The following PSRC1 variants were observed in gnomAD, a reference collection of about 807,000 sequenced individuals.
The protein encoded by PSRC1 is proline and serine rich coiled-coil 1.
Under a neutral mutation model 31.9 loss-of-function variants are expected in PSRC1, and 30 were observed. That is an observed-to-expected ratio of 0.94 (90% CI 0.70 to 1.28). The LOEUF (loss-of-function observed/expected upper bound fraction) is 1.28. PSRC1 is among the 50% of genes most tolerant of loss of function. The pLI is 0.00. For missense variants in PSRC1, 481 were observed against 472.8 expected (o/e 1.02, Z -0.16); for synonymous variants, 191 against 192.1 (o/e 0.99, Z 0.05).
rs766277944 is a variant in PSRC1 at position 109,281,042 on chromosome 1, TG to T, written c.728del (p.Pro243HisfsTer96). ...CCAGGACGGATCTGATGGGGGTGGG[TG>T]GGCCTGGTGGAGAGGGGTGGAGAAA... On this transcript the variant is annotated frameshift_variant, in exon 5 of 7. Transcript: ENST00000409138. LOFTEE classifies it high-confidence loss of function. 1 of 1,570,810 alleles carries T rather than the reference TG, an allele frequency of 6.4e-7. No homozygotes were observed. Among genetic ancestry groups the T allele is most frequent in the Non-Finnish European group, 8.7e-7 (1 of 1,150,576 alleles).
chr1:109,281,917 A>G (rs1471971566), exon 4 of PSRC1: 1 of 1,608,190 alleles, frequency 6.2e-7, no homozygotes, highest in East Asian at 2.2e-5. Flanking sequence ...GATCTCCTCC[A>G]GCTTCTCTGG....
At chr1:109,280,200 C>T in intron 6 of PSRC1, 44 bp from the exon 8 acceptor site, 1 of 1,607,994 alleles carries the variant, frequency 6.2e-7, no homozygotes, top group Non-Finnish European at 8.5e-7. Context: ...GCCCTTCTTC[C>T]TCAAGCCCAT....
chr1:109,282,340 C>T, intron 3 of PSRC1, 178 bp downstream of exon 3: 4 of 630,672 alleles, frequency 6.3e-6, no homozygotes, highest in South Asian at 2.0e-5. Context: ...ACTCCAGCTT[C>T]TCCCTTCTCT....
chr1:109,280,945 G>C (rs1656975604), exon 5 of PSRC1: 1 of 1,613,814 alleles, frequency 6.2e-7, no homozygotes, highest in Non-Finnish European at 8.5e-7. Flanking sequence ...ATGGGCAGTT[G>C]ACTGGAAGAT....
rs936561167 is a variant in PSRC1, at chr1:109,282,173, C to T, written c.78-113G>A. 1.9e-5 allele frequency: 19 copies of T among 981,044 alleles called. No homozygotes were observed. In the Admixed American group the frequency reaches 2.4e-4, roughly 12 times the overall value. The allele number at this position is 981,044 out of a possible 1,614,324, so 60.8% of individuals were successfully genotyped here. On this transcript the variant is annotated intron_variant, in intron 3 of 6. Transcript: ENST00000409138. Reference sequence around the variant, plus strand: ...GAGCCAGGGACATGACCCTAGGCCCCGATGCCCATGCTGGCTGTGAGATGT... The same window carrying T: ...GAGCCAGGGACATGACCCTAGGCCCTGATGCCCATGCTGGCTGTGAGATGT...
chr1:109,280,750 C>T (rs368372959), intron 5 of PSRC1, 27 bp downstream of exon 6: 126 of 1,520,468 alleles, frequency 8.3e-5, no homozygotes, highest in Middle Eastern at 2.0e-4. Flanking sequence ...TGGGCAAGGG[C>T]GGGCATTCTT....
intron 4 of PSRC1, 26 bp downstream of exon 4, chr1:109,281,593 C>T: frequency 1.9e-6 from 3 of 1,583,922 alleles, no homozygotes; most frequent in Non-Finnish European, 2.6e-6. Flanking sequence ...CTGGGGCACA[C>T]CTCCAACTCA....
In PSRC1 at chr1:109,282,563, A is replaced by AGGTC; in HGVS notation, c.31_32insGACC (p.Ile11ArgfsTer5). The AGGTC allele has an allele frequency of 6.2e-7, 1 of 1,614,140 alleles. No homozygotes were observed. The highest frequency in any genetic ancestry group is 8.5e-7 in the Non-Finnish European group (1 of 1,180,000). ...CCCAAAGTCCAAGGTCTCATCCACA[A>AGGTC]TAAACCTTACATCTGAAGGGGAAAG... On this transcript the variant is annotated frameshift_variant, in exon 3 of 7. Coordinates refer to ENST00000409138, the Ensembl canonical transcript of PSRC1. LOFTEE classifies it high-confidence loss of function.
At chr1:109,281,099 C>A in exon 5 of PSRC1, 1 of 1,613,348 alleles carries the variant, frequency 6.2e-7, no homozygotes, top group Non-Finnish European at 8.5e-7. Flanking sequence ...ACTCCCCACT[C>A]CCACTCACCC....
chr1:109,280,673 C>T, intron 5 of PSRC1, 104 bp downstream of exon 6: 2 of 1,055,848 alleles, frequency 1.9e-6, no homozygotes, highest in Non-Finnish European at 2.7e-6. Context: ...CCCCATCTTC[C>T]AATTGAATTG....
At chr1:109,282,536 C>A (rs745620409) in exon 3 of PSRC1, 11 of 1,613,876 alleles carry the variant, frequency 6.8e-6, no homozygotes, top group Non-Finnish European at 8.5e-6. Context: ...TGGTGACAGC[C>A]CCCCAAAGTC....
rs533781911 is a variant in PSRC1 at position 109,282,948 on chromosome 1, C to T, written c.-34+126G>A. 3.2e-4 allele frequency: 192 copies of T among 596,338 alleles called. 2 individuals carry two copies. The African/African-American group carries it at 3.2e-3, about 10-fold the overall frequency. 36.9% of individuals were successfully genotyped at this position (596,338 alleles called of 1,614,324 possible). ...GCCCTGGAGCCGCCCTGCATCCTGG[C>T]CTCTCCTCACTGGGGGCGGCCTGCA... On this transcript the variant is annotated intron_variant, in intron 1 of 6. Coordinates refer to ENST00000409138, the Ensembl canonical transcript of PSRC1.
At chr1:109,280,178 C>G (rs1460368619) in intron 6 of PSRC1, 22 bp from the exon 8 acceptor site, 1 of 1,613,336 alleles carries the variant, frequency 6.2e-7, no homozygotes, top group South Asian at 1.1e-5. Context: ...GAAGGAATAA[C>G]TGCTTTAAAA....
intron 4 of PSRC1, 170 bp from the exon 5 acceptor site, chr1:109,281,421 A>G: frequency 1.3e-6 from 1 of 745,918 alleles, no homozygotes; most frequent in Non-Finnish European, 2.2e-6. Context: ...TGCCAATACC[A>G]TTTATTGAGT....
chr1:109,280,048 C>G (rs1355960262), exon 7 of PSRC1: 2 of 1,493,460 alleles, frequency 1.3e-6, no homozygotes, highest in African/African-American at 2.8e-5. Context: ...TTCCTCCTGT[C>G]CCTGGGCCAG....
chr1:109,282,808 C>A, intron 1 of PSRC1, 72 bp from the exon 2 acceptor site: 1 of 1,477,192 alleles, frequency 6.8e-7, no homozygotes, highest in Non-Finnish European at 9.2e-7. Context: ...AGGGTGCAAG[C>A]CAGGGTCGGG....
chr1:109,280,131 C>T (rs1656800803), exon 7 of PSRC1: 2 of 1,613,994 alleles, frequency 1.2e-6, no homozygotes, highest in African/African-American at 1.3e-5. Flanking sequence ...CTACTGAAGT[C>T]TTGCTTGCTG....
At chr1:109,280,196 CT>C in intron 6 of PSRC1, 40 bp from the exon 8 acceptor site, 1 of 1,609,994 alleles carries the variant, frequency 6.2e-7, no homozygotes, top group Non-Finnish European at 8.5e-7. Flanking sequence ...AAATGCCCTT[CT>C]TCCTCAAGCC....
At chr1:109,280,635 GC>G in intron 5 of PSRC1, 141 bp downstream of exon 6, 1 of 954,128 alleles carries the variant, frequency 1.0e-6, no homozygotes, top group Non-Finnish European at 1.6e-6. Context: ...ACTCTGTCCA[GC>G]CCCATATCCT....
Sources: gnomAD v4.1 joint callset for allele counts on GRCh38, gnomAD v4.1.1 for gene constraint, MANE v1.5 for transcripts, NCBI Gene and HGNC (gene_info 2026-07-23, HGNC 2026-07-21) for gene names.